Variants in KREMEN1 observed in about 807,000 individuals in gnomAD.
KREMEN1 encodes the protein kringle containing transmembrane protein 1, also known as kremen protein 1.
KREMEN1 carries 30 observed loss-of-function variants against 46.5 expected under a neutral mutation model. The observed-to-expected ratio is 0.65, with a 90% CI of 0.48 to 0.88. KREMEN1 has a LOEUF of 0.88. KREMEN1 is among the 40% of genes least tolerant of loss of function. The pLI is 0.00. For missense variants in KREMEN1, 533 were observed against 596.9 expected (o/e 0.89, Z 1.11); for synonymous variants, 214 against 230.6 (o/e 0.93, Z 0.65).
downstream of KREMEN1, among the ~76,000 whole-genome samples, chr22:29,147,240 T>C (rs369747521): frequency 6.6e-6 from 1 of 152,182 alleles, no homozygotes; most frequent in South Asian, 2.1e-4. Flanking sequence ...AAAGTGCTTA[T>C]GTAATTATTA....
chr22:29,121,326 C>G, intron 3 of KREMEN1, 31 bp from the exon 4 acceptor site: 2 of 1,610,970 alleles, frequency 1.2e-6, no homozygotes, highest in Non-Finnish European at 1.7e-6. Context: ...CCAGATGTTG[C>G]GAAATTCTTT....
intron 9 of KREMEN1, among the ~76,000 whole-genome samples, chr22:29,159,124 GTT>G (rs1162443966): frequency 7.4e-4 from 26 of 35,324 alleles, no homozygotes; most frequent in Middle Eastern, 0.015. Context: ...CCAGCCAAGT[GTT>G]TTTTTTTTTT....
rs919257227 is a variant in KREMEN1, at chr22:29,129,261, C to T, written c.631+3845C>T. Reference sequence around the variant, plus strand: ...AGGCTGGAGGCTGAGGCAGGAGAATCGCTTCAACCCGGGAGGTGGAGGTTG... The same window carrying T: ...AGGCTGGAGGCTGAGGCAGGAGAATTGCTTCAACCCGGGAGGTGGAGGTTG... On this transcript the variant is annotated intron_variant, in intron 5 of 8. Transcript: ENST00000400335. Among the ~76,000 whole-genome samples the T allele has an allele frequency of 3.9e-5, 6 of 152,034 alleles. No homozygotes were observed. The East Asian group carries it at 5.8e-4, about 15-fold the overall frequency.
intron 1 of KREMEN1, among the ~76,000 whole-genome samples, chr22:29,078,590 AAT>A (rs2037608780): frequency 6.6e-6 from 1 of 152,232 alleles, no homozygotes; most frequent in Non-Finnish European, 1.5e-5. Flanking sequence ...CGTTTTAAAA[AAT>A]AACAATGTGC....
chr22:29,151,125 C>T (rs550118910), downstream of KREMEN1, among the ~76,000 whole-genome samples: 1 of 152,294 alleles, frequency 6.6e-6, no homozygotes, highest in Non-Finnish European at 1.5e-5. Flanking sequence ...ACACAAACCC[C>T]TTTGAGAACC....
chr22:29,090,665 A>G (rs139814197), intron 1 of KREMEN1, among the ~76,000 whole-genome samples: 1 of 152,192 alleles, frequency 6.6e-6, no homozygotes, highest in Non-Finnish European at 1.5e-5. Flanking sequence ...AAGAAAAAAA[A>G]TAAGGGAGGT....
chr22:29,122,961 A>AAG (rs1556011070), intron 4 of KREMEN1, among the ~76,000 whole-genome samples: 3 of 149,580 alleles, frequency 2.0e-5, no homozygotes, highest in African/African-American at 7.5e-5. Flanking sequence ...AAAAAAAAAA[A>AAG]AAAAAGACAT....
chr22:29,144,614 A>G lies in KREMEN1; in HGVS notation c.*2502A>G, dbSNP rs949190155. Reference sequence around the variant, plus strand: ...GCTGTTTGTGGAATCTCTCTCAAACATAAGTGTCAGGTGTGTGTCGTCCCA... The same window carrying G: ...GCTGTTTGTGGAATCTCTCTCAAACGTAAGTGTCAGGTGTGTGTCGTCCCA... On this transcript the variant is annotated 3_prime_UTR_variant, in exon 9 of 9. Transcript: ENST00000400335. 6 of 985,560 alleles carry G rather than the reference A, an allele frequency of 6.1e-6. No individual in the cohort carries two copies. The highest frequency in any genetic ancestry group is 4.7e-5 in the South Asian group (1 of 21,292). The allele number at this position is 985,560 out of a possible 1,614,324, so 61.1% of individuals were successfully genotyped here. A position where few individuals can be genotyped will look rare whatever the true frequency, so the allele number is the denominator to read the frequency against.
intron 3 of KREMEN1, among the ~76,000 whole-genome samples, chr22:29,105,289 A>T (rs1388498886): frequency 6.7e-6 from 1 of 148,698 alleles, no homozygotes; most frequent in Non-Finnish European, 1.5e-5. Flanking sequence ...TCTTATCAGT[A>T]TGTCTAGAAC....
Position 29,143,876 on chromosome 22 carries a change from A to AGG in KREMEN1, c.*1766_*1767dup. 1.0e-6 allele frequency: 1 copy of AGG among 985,460 alleles called. No homozygotes were observed. The highest frequency in any genetic ancestry group is 1.7e-5 in the African/African-American group (1 of 57,346). The allele number at this position is 985,460 out of a possible 1,614,324, so 61.0% of individuals were successfully genotyped here. On this transcript the variant is annotated 3_prime_UTR_variant, in exon 9 of 9. Transcript: ENST00000400335. ...TCCCTTGCCACCCTGTCCCTTAGAT[A>AGG]GGGAGGTGGGCTGCAGAGATTGGTG...
At chr22:29,074,523 GA>G (rs1406333396) in intron 1 of KREMEN1, among the ~76,000 whole-genome samples, 1 of 152,240 alleles carries the variant, frequency 6.6e-6, no homozygotes, top group Non-Finnish European at 1.5e-5. Flanking sequence ...TTTCTAAGTG[GA>G]AGAGAAGGCA....
At chr22:29,125,559 C>T in intron 5 of KREMEN1, 143 bp downstream of exon 5, 5 of 791,442 alleles carry the variant, frequency 6.3e-6, no homozygotes, top group African/African-American at 1.8e-5. Context: ...CCTGGGAATA[C>T]AGCACAGTGC....
chr22:29,124,150 T>C (rs2038402721), intron 4 of KREMEN1, among the ~76,000 whole-genome samples: 1 of 152,206 alleles, frequency 6.6e-6, no homozygotes, highest in Admixed American at 6.5e-5. Context: ...CTATTCATAA[T>C]TATGAATAAC....
At chr22:29,133,235 G>A (rs1202577983) in intron 5 of KREMEN1, among the ~76,000 whole-genome samples, 1 of 130,458 alleles carries the variant, frequency 7.7e-6, no homozygotes, top group Non-Finnish European at 1.6e-5. Context: ...GCAACAGAGC[G>A]AGACTCCATC....
Position 29,094,146 on chromosome 22 carries a change from A to G in KREMEN1, c.98-112A>G, listed in dbSNP as rs2037841664. ...ACTGCACTGTGTCCAGGATCTAGCAAGACACTATCCATTTCCAGCTTGGTC... is the reference window on the plus strand; with the variant it reads ...ACTGCACTGTGTCCAGGATCTAGCAGGACACTATCCATTTCCAGCTTGGTC... On this transcript the variant is annotated intron_variant, in intron 1 of 8. Coordinates refer to ENST00000400335, the MANE Select transcript of KREMEN1 (RefSeq NM_001039570.3). 7 of 832,772 alleles carry G rather than the reference A, an allele frequency of 8.4e-6. No homozygotes were observed. The South Asian group carries it at 1.2e-4, about 14-fold the overall frequency. The allele number at this position is 832,772 out of a possible 1,614,324, so 51.6% of individuals were successfully genotyped here.
rs76103476 is a variant in KREMEN1, at chr22:29,125,452, C to T, written c.631+36C>T. The T allele has an allele frequency of 1.9e-3, 3,021 of 1,607,750 alleles. 58 individuals are homozygous for T. In the African/African-American group the frequency reaches 0.037, roughly 20 times the overall value. Reference sequence around the variant, plus strand: ...CCTGTGCCCATCACTGCCCAAGGCACAGGAACCCTTGGACCAGAGCAACAA... The same window carrying T: ...CCTGTGCCCATCACTGCCCAAGGCATAGGAACCCTTGGACCAGAGCAACAA... On this transcript the variant is annotated intron_variant, in intron 5 of 8. Coordinates refer to ENST00000400335, the MANE Select transcript of KREMEN1 (RefSeq NM_001039570.3).
intron 9 of KREMEN1, among the ~76,000 whole-genome samples, chr22:29,153,362 A>C (rs911488010): frequency 6.6e-6 from 1 of 152,054 alleles, no homozygotes; most frequent in African/African-American, 2.4e-5. Context: ...CATTTTATTC[A>C]GCCCCTATTC....
In KREMEN1 at chr22:29,121,386, C is replaced by G; in HGVS notation, c.382C>G (p.His128Asp). 6.2e-7 allele frequency: 1 copy of G among 1,614,020 alleles called. No homozygotes were observed. Among genetic ancestry groups the G allele is most frequent in the African/African-American group, 1.3e-5 (1 of 75,006 alleles). ...MPGNLGCYKD[H>D]GNPPPLTGTS... ...TGGAAACCTTGGCTGCTACAAGGATCATGGAAACCCACCTCCTCTAACTGG... is the reference window on the plus strand; with the variant it reads ...TGGAAACCTTGGCTGCTACAAGGATGATGGAAACCCACCTCCTCTAACTGG... Residue 128 changes from histidine (H) to aspartate (D), a missense_variant, in exon 4 of 9, where the codon CAT becomes GAT. His to Asp is a moderately conservative substitution (Grantham distance 81). Transcript: ENST00000400335.
chr22:29,145,463 G>A lies in KREMEN1; in HGVS notation c.*3351G>A. On this transcript the variant is annotated 3_prime_UTR_variant, in exon 9 of 9. Coordinates refer to ENST00000400335, the MANE Select transcript of KREMEN1 (RefSeq NM_001039570.3). ...CCATCCTCACCCCTGTTCCCCGCTG[G>A]CGCCAGGCCCTGCCTTCTTGGTACC... The A allele has an allele frequency of 1.0e-6, 1 of 985,568 alleles. No individual in the cohort carries two copies. Among genetic ancestry groups the A allele is most frequent in the Non-Finnish European group, 1.2e-6 (1 of 830,068 alleles). 61.1% of individuals were successfully genotyped at this position (985,568 alleles called of 1,614,324 possible). A position where few individuals can be genotyped will look rare whatever the true frequency, so the allele number is the denominator to read the frequency against.
Sources: gnomAD v4.1 joint callset for allele counts (sites outside exome capture counted in the v4.1 genomes callset) on GRCh38, gnomAD v4.1.1 for gene constraint, MANE v1.5 for transcripts, NCBI Gene and HGNC (gene_info 2026-07-23, HGNC 2026-07-21) for gene names.